RAD51B: variants seen among roughly 807,000 people sequenced by gnomAD.
The protein encoded by RAD51B is DNA repair protein RAD51 homolog 2.
Under a neutral mutation model 42.2 loss-of-function variants are expected in RAD51B, and 38 were observed. The ratio of observed to expected loss-of-function variants is 0.90; its 90% confidence interval spans 0.70 to 1.18. The LOEUF (loss-of-function observed/expected upper bound fraction) is 1.18. Among genes scored for constraint, RAD51B ranks in the 50% most tolerant of loss-of-function variants. The pLI is 0.00. For synonymous variants in RAD51B, 154 were observed against 145.2 expected, an observed-to-expected ratio of 1.06 and a Z score of -0.43; for missense variants, 373 against 400.7, an observed-to-expected ratio of 0.93 and a Z score of 0.59.
downstream of RAD51B, among the ~76,000 whole-genome samples, chr14:68,611,822 G>C (rs967002762): frequency 6.6e-6 from 1 of 152,150 alleles, no homozygotes; most frequent in African/African-American, 2.4e-5. Flanking sequence ...TCAGGTCCAC[G>C]TTTGCTTTCC....
intron 7 of RAD51B, among the ~76,000 whole-genome samples, chr14:68,239,763 TTCC>T (rs2080344161): frequency 6.6e-6 from 1 of 152,222 alleles, no homozygotes; most frequent in Admixed American, 6.5e-5. Context: ...CTATCAGATA[TTCC>T]AACAATCTCA....
At chr14:68,013,942 G>T (rs927786083) in intron 7 of RAD51B, among the ~76,000 whole-genome samples, 35 of 152,206 alleles carry the variant, frequency 2.3e-4, no homozygotes, top group African/African-American at 8.2e-4. Flanking sequence ...TATTTTATTT[G>T]ATAATAATGC....
intron 7 of RAD51B, among the ~76,000 whole-genome samples, chr14:68,055,190 A>G (rs761573333): frequency 1.3e-5 from 2 of 152,220 alleles, no homozygotes; most frequent in Non-Finnish European, 2.9e-5. Context: ...AAATGAAGGC[A>G]TTGGTCTAGG....
chr14:68,055,611 A>G (rs1363004666), intron 7 of RAD51B, among the ~76,000 whole-genome samples: 3 of 152,324 alleles, frequency 2.0e-5, no homozygotes, highest in African/African-American at 4.8e-5. Flanking sequence ...AACTCAAAAC[A>G]TAGTGATTAA....
At chr14:68,013,832 C>T (rs1010604937) in intron 7 of RAD51B, among the ~76,000 whole-genome samples, 1 of 152,136 alleles carries the variant, frequency 6.6e-6, no homozygotes, top group Non-Finnish European at 1.5e-5. Context: ...AAAGGTCAGG[C>T]ATCCAGGAGC....
chr14:68,025,600 T>C (rs1444603610), intron 7 of RAD51B, among the ~76,000 whole-genome samples: 1 of 151,716 alleles, frequency 6.6e-6, no homozygotes, highest in East Asian at 1.9e-4. Context: ...GATTCAATCT[T>C]GGGAGACTGT....
chr14:68,647,959 G>A (rs1294622395), intron 10 of RAD51B, among the ~76,000 whole-genome samples: 1 of 149,842 alleles, frequency 6.7e-6, no homozygotes, highest in East Asian at 2.0e-4. Context: ...TTACAGGCAT[G>A]AGCCACTGCA....
At chr14:68,107,800 AC>A (rs1835754719) in intron 7 of RAD51B, among the ~76,000 whole-genome samples, 1 of 151,884 alleles carries the variant, frequency 6.6e-6, no homozygotes, top group Non-Finnish European at 1.5e-5. Context: ...TTTACAGAAC[AC>A]ATCAAATGGA....
At chr14:67,961,556 T>C (rs1325519646) in intron 7 of RAD51B, among the ~76,000 whole-genome samples, 4 of 152,212 alleles carry the variant, frequency 2.6e-5, no homozygotes, top group African/African-American at 9.6e-5. Flanking sequence ...TTGTATACAT[T>C]TTGACATAAA....
chr14:68,272,142 C>T (rs1333946160), intron 7 of RAD51B, among the ~76,000 whole-genome samples: 5 of 152,154 alleles, frequency 3.3e-5, no homozygotes, highest in African/African-American at 1.2e-4. Context: ...ACTGTGGGGG[C>T]TTAATATAAC....
At chr14:68,137,137 G>C (rs886354698) in intron 7 of RAD51B, among the ~76,000 whole-genome samples, 4 of 152,106 alleles carry the variant, frequency 2.6e-5, no homozygotes, top group Non-Finnish European at 5.9e-5. Context: ...TTGGCCTGGC[G>C]TGATGGCACA....
intron 10 of RAD51B, among the ~76,000 whole-genome samples, chr14:68,643,128 G>A (rs1892496205): frequency 9.8e-6 from 1 of 101,560 alleles, no homozygotes; most frequent in South Asian, 2.6e-4. Flanking sequence ...CTGTAATAGT[G>A]GATTCATCTG....
chr14:68,635,845 C>A (rs2140126286), intron 10 of RAD51B, among the ~76,000 whole-genome samples: 1 of 152,304 alleles, frequency 6.6e-6, no homozygotes, highest in South Asian at 2.1e-4. Flanking sequence ...TAGAGAGAGA[C>A]CCTTTGAGAA....
At chr14:68,128,082 C>T (rs560058787) in intron 7 of RAD51B, among the ~76,000 whole-genome samples, 154 of 152,192 alleles carry the variant, frequency 1.0e-3, no homozygotes, top group Non-Finnish European at 1.6e-3. Flanking sequence ...TTCTTTTTAC[C>T]GCTTGGGAAG....
chr14:67,981,895 C>T (rs10151317), intron 7 of RAD51B, among the ~76,000 whole-genome samples: 10,794 of 152,086 alleles, frequency 0.071, 942 homozygotes, highest in African/African-American at 0.21. Context: ...GATAGTTTTG[C>T]AGGTATATAC....
chr14:68,233,380 T>C (rs1316118), intron 7 of RAD51B, among the ~76,000 whole-genome samples: 23,755 of 152,240 alleles, frequency 0.16, 1,973 homozygotes, highest in Middle Eastern at 0.35. Context: ...TTTGTCTGGC[T>C]AATACACTTT....
chr14:67,820,150 C>T (rs2040576901), intron 1 of RAD51B, among the ~76,000 whole-genome samples: 1 of 152,164 alleles, frequency 6.6e-6, no homozygotes, highest in African/African-American at 2.4e-5. Flanking sequence ...CCTCCCCAGC[C>T]CCTTCCCGCT....
intron 7 of RAD51B, among the ~76,000 whole-genome samples, chr14:68,151,823 CTTTTTTTTTTTTTTTTTTTTT>C (rs71129868): frequency 1.0e-4 from 4 of 39,936 alleles, no homozygotes; most frequent in Admixed American, 4.1e-4. Context: ...GTTATAAAGA[CTTTTTTTTTTTTTTTTTTTTT>C]TTTTTTTTTT....
At chr14:68,410,941 C>G (rs373133913) in intron 8 of RAD51B, among the ~76,000 whole-genome samples, 1 of 151,250 alleles carries the variant, frequency 6.6e-6, no homozygotes, top group South Asian at 2.1e-4. Context: ...GTTGTGTATA[C>G]GGGGGGGTGG....
Sources: gnomAD v4.1 joint callset for allele counts (sites outside exome capture counted in the v4.1 genomes callset) on GRCh38, gnomAD v4.1.1 for gene constraint, MANE v1.5 for transcripts, NCBI Gene and HGNC (gene_info 2026-07-23, HGNC 2026-07-21) for gene names.